Variants in C8orf34 observed in about 807,000 individuals in gnomAD.
C8orf34 encodes the protein chromosome 8 open reading frame 34, also known as uncharacterized protein C8orf34.
Under a neutral mutation model 68.3 loss-of-function variants are expected in C8orf34, and 65 were observed. The ratio of observed to expected loss-of-function variants is 0.95; its 90% CI spans 0.78 to 1.17. C8orf34 has a LOEUF of 1.17. Among genes scored for constraint, C8orf34 ranks in the 50% most tolerant of loss-of-function variants. C8orf34 has a pLI of 0.00. For missense variants in C8orf34, 664 were observed against 655.4 expected (o/e 1.01, Z -0.14); for synonymous variants, 244 against 241.2 (o/e 1.01, Z -0.11).
chr8:68,613,194 G>A (rs888235021), intron 7 of C8orf34, among the ~76,000 whole-genome samples: 7 of 152,044 alleles, frequency 4.6e-5, no homozygotes, highest in Non-Finnish European at 1.0e-4. Flanking sequence ...TAAACTTGAT[G>A]GTACAAGAGG....
chr8:68,575,902 T>C (rs1331750478), intron 7 of C8orf34, among the ~76,000 whole-genome samples: 3 of 150,976 alleles, frequency 2.0e-5, no homozygotes, highest in African/African-American at 7.3e-5. Context: ...AGTTGAATCA[T>C]AATATATGCT....
At chr8:68,639,468 G>GT (rs990260843) in intron 7 of C8orf34, among the ~76,000 whole-genome samples, 10 of 151,810 alleles carry the variant, frequency 6.6e-5, no homozygotes, top group Non-Finnish European at 1.2e-4. Context: ...CCTCCTGATT[G>GT]TTTTTTGAGG....
chr8:68,802,779 G>GC (rs1348093691), intron 12 of C8orf34, among the ~76,000 whole-genome samples: 1 of 151,798 alleles, frequency 6.6e-6, no homozygotes, highest in Admixed American at 6.6e-5. Flanking sequence ...AAGTTTTCGG[G>GC]CTACAGGCAT....
intron 1 of C8orf34, among the ~76,000 whole-genome samples, chr8:68,436,150 G>A (rs1046509035): frequency 6.6e-6 from 1 of 152,190 alleles, no homozygotes; most frequent in Non-Finnish European, 1.5e-5. Flanking sequence ...AGAAGTTGCA[G>A]TGAGCTGAGA....
intron 12 of C8orf34, among the ~76,000 whole-genome samples, chr8:68,805,239 C>A (rs1247347822): frequency 6.6e-6 from 1 of 152,150 alleles, no homozygotes; most frequent in East Asian, 1.9e-4. Flanking sequence ...CCTTAATGAT[C>A]CAGTAAATGA....
intron 10 of C8orf34, among the ~76,000 whole-genome samples, chr8:68,748,176 T>C (rs1020548002): frequency 7.7e-6 from 1 of 130,608 alleles, no homozygotes; most frequent in Admixed American, 7.7e-5. Context: ...GAAAACTGGC[T>C]AGCCATATGT....
chr8:68,758,968 T>C (rs1396336730), intron 10 of C8orf34, among the ~76,000 whole-genome samples: 2 of 152,164 alleles, frequency 1.3e-5, no homozygotes, highest in Non-Finnish European at 2.9e-5. Context: ...CTTACAATTA[T>C]GATAAAGATA....
intron 4 of C8orf34, among the ~76,000 whole-genome samples, chr8:68,486,035 T>G (rs1208155543): frequency 6.6e-6 from 1 of 152,204 alleles, no homozygotes; most frequent in Admixed American, 6.5e-5. Context: ...TAAATTGTAA[T>G]AATGTATTTT....
intron 8 of C8orf34, among the ~76,000 whole-genome samples, chr8:68,698,974 T>A (rs1820912730): frequency 6.6e-6 from 1 of 151,982 alleles, no homozygotes; most frequent in African/African-American, 2.4e-5. Context: ...AAGGCCTCCT[T>A]CCATAGCTAT....
At position 68,584,076 on chromosome 8, in the gene C8orf34, C is replaced by A. The variant is rs143839616; in HGVS notation, c.1105+50927C>A. On this transcript the variant is annotated intron_variant, in intron 7 of 13. Transcript: ENST00000518698. ...TAATGTAGAGTATTGAGGACAATTC[C>A]TCTCTAGCTGTGGGTTCACAGGTTA... 4.0e-3 allele frequency among the ~76,000 whole-genome samples: 612 copies of A among 152,160 alleles called. 5 individuals are homozygous for A. The highest frequency in any genetic ancestry group is 0.014 in the African/African-American group (583 of 41,522).
At chr8:68,372,549 A>C (rs1458761857) in intron 1 of C8orf34, among the ~76,000 whole-genome samples, 2 of 152,154 alleles carry the variant, frequency 1.3e-5, no homozygotes, top group African/African-American at 4.8e-5. Context: ...AGAGGGAGTA[A>C]GTCCCTCCTC....
Position 68,460,799 on chromosome 8 carries a change from C to A in C8orf34, c.608-7893C>A, listed in dbSNP as rs551819536. 4.3e-3 allele frequency among the ~76,000 whole-genome samples: 649 copies of A among 152,104 alleles called. 5 individuals are homozygous for A. Among genetic ancestry groups the A allele is most frequent in the African/African-American group, 0.015 (627 of 41,458 alleles). ...ACACCAAAAACCCATCTGTACATCACCATCATCAAAGACCAAAAGTAGATA... is the reference window on the plus strand; with the variant it reads ...ACACCAAAAACCCATCTGTACATCAACATCATCAAAGACCAAAAGTAGATA... On this transcript the variant is annotated intron_variant, in intron 3 of 13. Transcript: ENST00000518698.
intron 7 of C8orf34, among the ~76,000 whole-genome samples, chr8:68,639,900 G>C (rs1004843561): frequency 6.6e-6 from 1 of 152,178 alleles, no homozygotes; most frequent in Non-Finnish European, 1.5e-5. Flanking sequence ...TTGTTGATGG[G>C]GAAGCTGGAA....
At chr8:68,575,016 A>G (rs1489933432) in intron 7 of C8orf34, among the ~76,000 whole-genome samples, 2 of 151,956 alleles carry the variant, frequency 1.3e-5, no homozygotes, top group African/African-American at 2.4e-5. Flanking sequence ...TATTAATGCC[A>G]TGGCTAGAAA....
intron 7 of C8orf34, among the ~76,000 whole-genome samples, chr8:68,542,073 A>G (rs1815720986): frequency 6.6e-6 from 1 of 152,192 alleles, no homozygotes; most frequent in Admixed American, 6.5e-5. Context: ...CCAACCTAAT[A>G]CAAGGTTACT....
At chr8:68,681,798 A>G (rs1281338659) in intron 8 of C8orf34, among the ~76,000 whole-genome samples, 1 of 152,198 alleles carries the variant, frequency 6.6e-6, no homozygotes, top group African/African-American at 2.4e-5. Context: ...TGGATAAAGA[A>G]AGTGCACATG....
In C8orf34 at chr8:68,774,329, GTGTATATATA is replaced by G. The variant is rs1425401111; in HGVS notation, c.1405-2068_1405-2059del. ...TCTATGTATAAAAATATGGGTGTGT[GTGTATATATA>G]TATATATATAAAATAAACAAAAAAA... On this transcript the variant is annotated intron_variant, in intron 10 of 13. Transcript: ENST00000518698. Among the ~76,000 whole-genome samples the G allele has an allele frequency of 2.2e-4, 28 of 126,938 alleles. 2 individuals are homozygous for G. Among genetic ancestry groups the G allele is most frequent in the African/African-American group, 5.5e-4 (16 of 29,160 alleles). 83.3% of individuals were successfully genotyped at this position (126,938 alleles called of 152,430 possible). A position where few individuals can be genotyped will look rare whatever the true frequency, so the allele number is the denominator to read the frequency against.
At chr8:68,694,878 T>C (rs1460457505) in intron 8 of C8orf34, among the ~76,000 whole-genome samples, 1 of 151,934 alleles carries the variant, frequency 6.6e-6, no homozygotes, top group Non-Finnish European at 1.5e-5. Context: ...AAACATAAGA[T>C]TTTATTTATT....
At chr8:68,465,604 T>C (rs1586196740) in intron 3 of C8orf34, among the ~76,000 whole-genome samples, 2 of 152,126 alleles carry the variant, frequency 1.3e-5, no homozygotes, top group Non-Finnish European at 2.9e-5. Context: ...ATACACACCA[T>C]GGAATACTAT....
Sources: gnomAD v4.1 joint callset for allele counts (sites outside exome capture counted in the v4.1 genomes callset) on GRCh38, gnomAD v4.1.1 for gene constraint, MANE v1.5 for transcripts, NCBI Gene and HGNC (gene_info 2026-07-23, HGNC 2026-07-21) for gene names.